Variants in NPY1R observed in about 807,000 individuals in gnomAD.
The protein encoded by NPY1R is neuropeptide Y receptor type 1.
Under a neutral mutation model 24.1 loss-of-function variants are expected in NPY1R, and 10 were observed. That is an observed-to-expected ratio of 0.42 (90% CI 0.26 to 0.71). The LOEUF is 0.71. Ranked by LOEUF, NPY1R falls within the 30% of genes least tolerant of loss-of-function variation. The probability of loss-of-function intolerance (pLI) is 0.28; values close to 1 mark genes in which losing one functional copy is unlikely to be tolerated. For synonymous variants in NPY1R, 168 were observed against 165.9 expected (o/e 1.01, Z -0.10); for missense variants, 350 against 458.0 (o/e 0.76, Z 2.15).
rs1048008855 is a variant in NPY1R at position 163,324,571 on chromosome 4, T to C, written c.*732A>G. On this transcript the variant is annotated 3_prime_UTR_variant, in exon 3 of 3. Coordinates refer to ENST00000296533, the MANE Select transcript of NPY1R (RefSeq NM_000909.6). ...TAATTACTCTAAAATGCTCTTGTTG[T>C]CAGGTACCAAAATGGTTTTGAAGTT... 3.9e-5 allele frequency: 6 copies of C among 152,104 alleles called. No individual in the cohort carries two copies. The highest frequency in any genetic ancestry group is 8.8e-5 in the Non-Finnish European group (6 of 68,008). The allele number at this position is 152,104 out of a possible 1,614,324, so 9.4% of individuals were successfully genotyped here.
chr4:163,326,381 G>A lies in NPY1R; in HGVS notation c.174C>T (p.Asn58=). 1 of 1,614,104 alleles carries A rather than the reference G, an allele frequency of 6.2e-7. No individual in the cohort carries two copies. Among genetic ancestry groups the A allele is most frequent in the South Asian group, 1.1e-5 (1 of 91,084 alleles). ...GAVIILGVSG[N]LALIIIILKQ... is the part of the protein sequence containing the mutation. ...TCAAGATGATTATGATCAAGGCCAG[G>A]TTTCCAGAGACACCAAGAATGATCA... The change falls in exon 2 of 3, where the codon AAC becomes AAT. Residue 58 remains asparagine (N), a synonymous_variant. Coordinates refer to ENST00000296533, the MANE Select transcript of NPY1R (RefSeq NM_000909.6).
chr4:163,331,073 TGGGTGGGGAACCTGGTC>T (rs2110798469), intron 1 of NPY1R: 2 of 152,388 alleles, frequency 1.3e-5, no homozygotes, highest in South Asian at 4.1e-4. Flanking sequence ...GGTCTAGTCC[TGGGTGGGGAACCTGGTC>T]GGGTTAGCTT....
At position 163,325,126 on chromosome 4, in the gene NPY1R, G is replaced by A; in HGVS notation, c.*177C>T. 1.7e-6 allele frequency: 1 copy of A among 593,216 alleles called. No individual in the cohort carries two copies. The highest frequency in any genetic ancestry group is 2.9e-6 in the Non-Finnish European group (1 of 340,028). The allele number at this position is 593,216 out of a possible 1,614,324, so 36.7% of individuals were successfully genotyped here. A position where few individuals can be genotyped will look rare whatever the true frequency, so the allele number is the denominator to read the frequency against. ...GAAGACCCCAAAGCCCACACCTTTT[G>A]TTCCAAATGTAATTATGACAACTAC... On this transcript the variant is annotated 3_prime_UTR_variant, in exon 3 of 3. Transcript: ENST00000296533.
chr4:163,327,111 T>C (rs1734625699), intron 1 of NPY1R, among the ~76,000 whole-genome samples: 1 of 152,202 alleles, frequency 6.6e-6, no homozygotes, highest in African/African-American at 2.4e-5. Flanking sequence ...AATTCTGCCA[T>C]ATGCTATAGA....
chr4:163,326,392 C>T lies in NPY1R; in HGVS notation c.163G>A (p.Val55Ile), dbSNP rs778256954. 28 of 1,613,970 alleles carry T rather than the reference C, an allele frequency of 1.7e-5. No individual in the cohort carries two copies. The Admixed American group carries it at 4.7e-4, about 27-fold the overall frequency. ...ATGATCAAGGCCAGGTTTCCAGAGA[C>T]ACCAAGAATGATCACAGCTCCATAA... ...LAYGAVIILG[V>I]SGNLALIIII... The change falls in exon 2 of 3, where the codon GTC becomes ATC. Residue 55 changes from valine (V) to isoleucine (I), a missense_variant. Coordinates refer to ENST00000296533, the MANE Select transcript of NPY1R (RefSeq NM_000909.6).
At chr4:163,341,924 T>C (rs960078701) in intron 1 of NPY1R, among the ~76,000 whole-genome samples, 1 of 152,000 alleles carries the variant, frequency 6.6e-6, no homozygotes, top group Non-Finnish European at 1.5e-5. Flanking sequence ...TTCCTCTTTA[T>C]GTAGCATATT....
rs1441700556 is a variant in NPY1R at position 163,325,178 on chromosome 4, GA to G, written c.*124del. On this transcript the variant is annotated 3_prime_UTR_variant, in exon 3 of 3. Coordinates refer to ENST00000296533, the MANE Select transcript of NPY1R (RefSeq NM_000909.6). ...ACAAAAGCAGTAAAAAGCAAGACAA[GA>G]AAATCTTAGTCATTTTCAAATGATT... is the stretch of plus-strand genomic sequence containing the variant. 4.2e-6 allele frequency: 3 copies of G among 706,632 alleles called. No homozygotes were observed. In the South Asian group the frequency reaches 5.8e-5, roughly 14 times the overall value. 43.8% of individuals were successfully genotyped at this position (706,632 alleles called of 1,614,324 possible). A position where few individuals can be genotyped will look rare whatever the true frequency, so the allele number is the denominator to read the frequency against.
intron 1 of NPY1R, among the ~76,000 whole-genome samples, chr4:163,332,204 C>T (rs1397831508): frequency 6.6e-6 from 1 of 152,196 alleles, no homozygotes; most frequent in Non-Finnish European, 1.5e-5. Context: ...ACTTGGATCC[C>T]CATCCAGAAA....
intron 1 of NPY1R, among the ~76,000 whole-genome samples, chr4:163,331,617 C>A (rs551935395): frequency 1.4e-4 from 22 of 152,160 alleles, no homozygotes; most frequent in African/African-American, 4.8e-4. Flanking sequence ...AAACCGAAGT[C>A]AATTCTCTCT....
chr4:163,344,543 C>T (rs767967620), exon 1 of NPY1R: 1 of 152,294 alleles, frequency 6.6e-6, no homozygotes, highest in African/African-American at 2.4e-5. Flanking sequence ...CCACTCAGGC[C>T]GTCCAGCTGC....
chr4:163,331,907 A>G (rs1734737710), intron 1 of NPY1R, among the ~76,000 whole-genome samples: 1 of 152,136 alleles, frequency 6.6e-6, no homozygotes, highest in Admixed American at 6.5e-5. Context: ...CGGAACCCGC[A>G]AGTGGGGGTG....
intron 1 of NPY1R, among the ~76,000 whole-genome samples, chr4:163,329,820 T>A (rs1364123254): frequency 3.4e-5 from 4 of 116,114 alleles, no homozygotes; most frequent in African/African-American, 5.1e-5. Flanking sequence ...TAAGTAGCAA[T>A]AAGAAGTAGG....
At chr4:163,332,835 C>G (rs150283674), upstream of NPY1R, 2 of 152,348 alleles carry the variant, frequency 1.3e-5, no homozygotes, top group African/African-American at 2.4e-5. Context: ...CCCCACAGTC[C>G]TCGACTCCGG....
At chr4:163,344,616 T>C (rs1735138835) in exon 1 of NPY1R, 1 of 152,244 alleles carries the variant, frequency 6.6e-6, no homozygotes, top group Non-Finnish European at 1.5e-5. Context: ...GCGCTCCTGT[T>C]TGCGAGGTGT....
chr4:163,339,544 C>A (rs1219484037), intron 1 of NPY1R, among the ~76,000 whole-genome samples: 1 of 151,802 alleles, frequency 6.6e-6, no homozygotes, highest in Non-Finnish European at 1.5e-5. Flanking sequence ...GGGCATCTAA[C>A]ACATTATAAG....
At chr4:163,335,716 C>T (rs1052668549), upstream of NPY1R, among the ~76,000 whole-genome samples, 4 of 151,934 alleles carry the variant, frequency 2.6e-5, no homozygotes, top group Non-Finnish European at 5.9e-5. Context: ...GATTTTGTGT[C>T]AGGATTTTCC....
At position 163,324,201 on chromosome 4, in the gene NPY1R, C is replaced by T. The variant is rs1734550295; in HGVS notation, c.*1102G>A. The stretch of plus-strand genomic sequence containing the variant: ...TATTTATAAGACGCCACAAGTCACA[C>T]AGTTTATACAAGTTAAAATGGGCTA... On this transcript the variant is annotated 3_prime_UTR_variant, in exon 3 of 3. Coordinates refer to ENST00000296533, the MANE Select transcript of NPY1R (RefSeq NM_000909.6). 6.6e-6 allele frequency: 1 copy of T among 152,580 alleles called. No homozygotes were observed. Among genetic ancestry groups the T allele is most frequent in the Non-Finnish European group, 1.5e-5 (1 of 68,036 alleles). 9.5% of individuals were successfully genotyped at this position (152,580 alleles called of 1,614,324 possible).
rs1399517830 is a variant in NPY1R, at chr4:163,324,345, C to T, written c.*958G>A. The T allele has an allele frequency of 1.3e-5, 2 of 152,552 alleles. No homozygotes were observed. The highest frequency in any genetic ancestry group is 1.3e-4 in the Admixed American group (2 of 15,270). 9.4% of individuals were successfully genotyped at this position (152,552 alleles called of 1,614,324 possible). On this transcript the variant is annotated 3_prime_UTR_variant, in exon 3 of 3. Transcript: ENST00000296533. Reference sequence around the variant, plus strand: ...TGGACATTGAAAGTTAAAAATCAGTCACTATATAGGCACTGCTGTATGGAA... The same window carrying T: ...TGGACATTGAAAGTTAAAAATCAGTTACTATATAGGCACTGCTGTATGGAA...
Position 163,325,726 on chromosome 4 carries a change from C to G in NPY1R, c.732G>C (p.Met244Ile). Residue 244 changes from methionine to isoleucine, a missense_variant, in exon 3 of 3, where the codon ATG becomes ATC. By Grantham distance (10) the Met-to-Ile change is conservative. Transcript: ENST00000296533. ...IYIRLKRRNNMMDKMRDNKYR... is the reference protein window; with the variant it reads ...IYIRLKRRNNIMDKMRDNKYR... ...ACTTATTGTCTCTCATCTTGTCCAT[C>G]ATGTTGTTTCTCCTTTTTAGGCGTA... The G allele has an allele frequency of 6.2e-7, 1 of 1,600,176 alleles. No homozygotes were observed. Among genetic ancestry groups the G allele is most frequent in the African/African-American group, 1.3e-5 (1 of 74,766 alleles).
Sources: allele counts gnomAD v4.1 joint callset (sites outside exome capture counted in the v4.1 genomes callset), GRCh38; gene constraint gnomAD v4.1.1; transcripts MANE v1.5; gene names NCBI Gene and HGNC (gene_info 2026-07-23, HGNC 2026-07-21).